Variants in AP4E1 observed in about 807,000 individuals in gnomAD.
The protein encoded by AP4E1 is adaptor related protein complex 4 subunit epsilon 1.
A neutral mutation model predicts 128.2 loss-of-function variants in AP4E1; 56 were observed. The ratio of observed to expected loss-of-function variants is 0.44; its 90% CI spans 0.35 to 0.55. The LOEUF (loss-of-function observed/expected upper bound fraction) is 0.55. Among genes scored for constraint, AP4E1 ranks in the 20% least tolerant of loss-of-function variants. The pLI is 0.00. For missense variants in AP4E1, 1,324 were observed against 1,307.7 expected, an observed-to-expected ratio of 1.01 and a Z score of -0.19; for synonymous variants, 484 against 473.1, an observed-to-expected ratio of 1.02 and a Z score of -0.30.
chr15:50,972,470 C>T (rs2064494478), intron 15 of AP4E1, among the ~76,000 whole-genome samples: 1 of 152,116 alleles, frequency 6.6e-6, no homozygotes, highest in Admixed American at 6.6e-5. Context: ...CCTCAGCCTC[C>T]CAAAGTGCTG....
chr15:50,991,102 A>G (rs2064800530), intron 16 of AP4E1, among the ~76,000 whole-genome samples: 1 of 152,170 alleles, frequency 6.6e-6, no homozygotes, highest in Non-Finnish European at 1.5e-5. Context: ...TTCATCCATC[A>G]CTGGATGTAG....
Position 50,993,510 on chromosome 15 carries a change from C to T in AP4E1, c.2231C>T (p.Ala744Val). Residue 744 changes from alanine (A) to valine (V), a missense_variant, in exon 17 of 21, where the codon GCT becomes GTT. Coordinates refer to ENST00000261842, the MANE Select transcript of AP4E1 (RefSeq NM_007347.5). ...AGTATAATGGAGAATGTAGATCAAG[C>T]TATAACTAAAAAGGATCAATCTCAA... ...QESIMENVDQ[A>V]ITKKDQSQVL... is the part of the protein sequence containing the mutation. 1.2e-6 allele frequency: 2 copies of T among 1,613,884 alleles called. No individual in the cohort carries two copies. The highest frequency in any genetic ancestry group is 2.2e-5 in the South Asian group (2 of 91,074).
intron 4 of AP4E1, among the ~76,000 whole-genome samples, chr15:50,924,216 G>A (rs373922206): frequency 4.6e-5 from 7 of 152,276 alleles, no homozygotes; most frequent in African/African-American, 1.7e-4. Context: ...ACTATGTGAA[G>A]TAGTAGCTGC....
At chr15:50,945,947 C>A in intron 10 of AP4E1, 1 of 1,304,820 alleles carries the variant, frequency 7.7e-7, no homozygotes, top group Non-Finnish European at 1.1e-6. Flanking sequence ...AAGCCTGGAT[C>A]TGTGCCAATT....
chr15:50,983,982 GT>G, intron 15 of AP4E1, 39 bp from the exon 16 acceptor site: 1 of 1,600,604 alleles, frequency 6.2e-7, no homozygotes, highest in Non-Finnish European at 8.5e-7. Flanking sequence ...TTTTTGCTTT[GT>G]TTTAAATATG....
intron 14 of AP4E1, among the ~76,000 whole-genome samples, chr15:50,962,415 A>G (rs553943246): frequency 6.6e-6 from 1 of 152,220 alleles, no homozygotes; most frequent in South Asian, 2.1e-4. Context: ...AAAGACATAC[A>G]CACCAATGGA....
intron 13 of AP4E1, among the ~76,000 whole-genome samples, chr15:50,957,622 A>G (rs1359489608): frequency 1.3e-5 from 2 of 150,162 alleles, no homozygotes; most frequent in Admixed American, 1.3e-4. Context: ...TCTTTCACTT[A>G]CAGGATTGTA....
intron 3 of AP4E1, among the ~76,000 whole-genome samples, chr15:50,923,580 CTATAAAATAGCAAT>C (rs2063733378): frequency 1.3e-5 from 2 of 151,878 alleles, no homozygotes; most frequent in Non-Finnish European, 2.9e-5. Flanking sequence ...ATATATTTGG[CTATAAAATAGCAAT>C]TATAAAATAG....
chr15:50,927,937 A>ATTTGCAGAAATATT lies in AP4E1; in HGVS notation c.543-1071_543-1070insTTGCAGAAATATTT, dbSNP rs531742862. Among the ~76,000 whole-genome samples the ATTTGCAGAAATATT allele has an allele frequency of 6.6e-4, 100 of 152,336 alleles. 2 individuals carry two copies. In the South Asian group the frequency reaches 0.012, roughly 18 times the overall value. ...CCAGCATAGTCTGCAAATAACAGAT[A>ATTTGCAGAAATATT]TGTAGAAATAGACAAGAGAGAGAAT... On this transcript the variant is annotated intron_variant, in intron 5 of 20. Coordinates refer to ENST00000261842, the MANE Select transcript of AP4E1 (RefSeq NM_007347.5).
intron 19 of AP4E1, among the ~76,000 whole-genome samples, chr15:51,000,713 A>G (rs2064950469): frequency 6.6e-6 from 1 of 152,232 alleles, no homozygotes; most frequent in East Asian, 1.9e-4. Flanking sequence ...TATGAAAGAA[A>G]AGTTCTGTAT....
intron 2 of AP4E1, among the ~76,000 whole-genome samples, chr15:50,915,034 A>G (rs574777387): frequency 6.6e-6 from 1 of 152,328 alleles, no homozygotes; most frequent in South Asian, 2.1e-4. Context: ...AATTATTACC[A>G]ACTTGTGGGA....
Position 50,949,954 on chromosome 15 carries a change from T to C in AP4E1, c.1429+16T>C, listed in dbSNP as rs930931074. The C allele has an allele frequency of 6.2e-7, 1 of 1,601,550 alleles. No individual in the cohort carries two copies. The highest frequency in any genetic ancestry group is 1.3e-5 in the African/African-American group (1 of 74,694). On this transcript the variant is annotated intron_variant, in intron 12 of 20. Transcript: ENST00000261842. ...CTAGCGGAAGGTTGGTACACTATTATATTCTGTAAAGTAAACATTTTAAAG... is the reference window on the plus strand; with the variant it reads ...CTAGCGGAAGGTTGGTACACTATTACATTCTGTAAAGTAAACATTTTAAAG...
At position 50,983,214 on chromosome 15, in the gene AP4E1, G is replaced by A. The variant is rs564836912; in HGVS notation, c.1967-808G>A. On this transcript the variant is annotated intron_variant, in intron 15 of 20. Transcript: ENST00000261842. ...CTTTCTTGCTGTTCTGGCATCTTTG[G>A]TGTTCCACTTTATGATCCAAGATGG... is the stretch of plus-strand genomic sequence containing the variant. Among the ~76,000 whole-genome samples the A allele has an allele frequency of 1.8e-4, 28 of 152,264 alleles. No homozygotes were observed. The South Asian group carries it at 5.4e-3, about 29-fold the overall frequency.
At chr15:50,912,208 C>A in intron 2 of AP4E1, 59 bp downstream of exon 2, 1 of 1,394,484 alleles carries the variant, frequency 7.2e-7, no homozygotes, top group Non-Finnish European at 1.0e-6. Flanking sequence ...ACTGTGGACT[C>A]AATAGTGGCA....
chr15:50,994,022 T>TA (rs779623591), intron 17 of AP4E1, among the ~76,000 whole-genome samples: 6 of 152,208 alleles, frequency 3.9e-5, no homozygotes, highest in Admixed American at 6.5e-5. Context: ...TTGTATTACA[T>TA]AAATTCTATT....
At chr15:50,982,350 G>A (rs7170675) in intron 15 of AP4E1, among the ~76,000 whole-genome samples, 66,012 of 151,962 alleles carry the variant, frequency 0.43, 14,533 homozygotes, top group East Asian at 0.59. Flanking sequence ...TTAAAATGAG[G>A]GGATATTCTA....
intron 15 of AP4E1, among the ~76,000 whole-genome samples, chr15:50,972,121 A>C (rs1409937256): frequency 6.6e-6 from 1 of 152,212 alleles, no homozygotes; most frequent in East Asian, 1.9e-4. Context: ...TTATTTGTAT[A>C]AATGGGTCTT....
chr15:50,932,866 C>T (rs1319175283), intron 7 of AP4E1, among the ~76,000 whole-genome samples: 5 of 152,160 alleles, frequency 3.3e-5, no homozygotes, highest in Non-Finnish European at 5.9e-5. Flanking sequence ...AAATGATTGT[C>T]TTAATTATAT....
At chr15:50,916,847 T>C (rs1033012711) in intron 3 of AP4E1, among the ~76,000 whole-genome samples, 5 of 152,246 alleles carry the variant, frequency 3.3e-5, no homozygotes, top group Admixed American at 1.3e-4. Context: ...TGTTATCTTT[T>C]CATATATTAA....
Sources: allele counts gnomAD v4.1 joint callset (sites outside exome capture counted in the v4.1 genomes callset), GRCh38; gene constraint gnomAD v4.1.1; transcripts MANE v1.5; gene names NCBI Gene and HGNC (gene_info 2026-07-23, HGNC 2026-07-21).